The following DSCAML1 variants were observed in gnomAD, a reference collection of about 807,000 sequenced individuals.
DSCAML1 encodes cell adhesion molecule DSCAML1.
In DSCAML1, 38 loss-of-function variants were observed where a neutral mutation model predicts 200.5. That is an observed-to-expected ratio of 0.19 (90% CI 0.15 to 0.25). DSCAML1 has a LOEUF of 0.25. DSCAML1 is among the 10% of genes least tolerant of loss of function. The pLI is 1.00. For missense variants in DSCAML1, 2,223 were observed against 2,858.8 expected (o/e 0.78, Z 5.07); for synonymous variants, 1,215 against 1,165.0 (o/e 1.04, Z -0.87).
At chr11:117,715,727 T>A (rs1591434145) in intron 3 of DSCAML1, among the ~76,000 whole-genome samples, 1 of 152,106 alleles carries the variant, frequency 6.6e-6, no homozygotes, top group Non-Finnish European at 1.5e-5. Context: ...GGGAAGCAGG[T>A]AAGTGAATTA....
chr11:117,559,603 C>T (rs1278108438), intron 3 of DSCAML1, among the ~76,000 whole-genome samples: 2 of 152,112 alleles, frequency 1.3e-5, no homozygotes, highest in Non-Finnish European at 2.9e-5. Context: ...TTTGGTGCCC[C>T]GCAATACGTG....
intron 1 of DSCAML1, among the ~76,000 whole-genome samples, chr11:117,808,292 G>A (rs914049791): frequency 6.6e-6 from 1 of 152,154 alleles, no homozygotes; most frequent in Non-Finnish European, 1.5e-5. Flanking sequence ...GAAGGCCTTC[G>A]GACTCTATAT....
chr11:117,436,788 G>GA lies in DSCAML1; in HGVS notation c.4720+333dup, dbSNP rs1406284980. On this transcript the variant is annotated intron_variant, in intron 26 of 32. Transcript: ENST00000651296. ...TCAGCAGAAAGTTCTTAGAGGTCAGGACCTCAACCACACCTCTACCTCCCT... is the reference window on the plus strand; with the variant it reads ...TCAGCAGAAAGTTCTTAGAGGTCAGGAACCTCAACCACACCTCTACCTCCCT... Among the ~76,000 whole-genome samples the GA allele has an allele frequency of 6.6e-5, 10 of 152,248 alleles. No individual in the cohort carries two copies. In the East Asian group the frequency reaches 1.2e-3, roughly 18 times the overall value.
chr11:117,600,229 G>T (rs867753601), intron 3 of DSCAML1, among the ~76,000 whole-genome samples: 7 of 152,322 alleles, frequency 4.6e-5, no homozygotes, highest in African/African-American at 1.7e-4. Context: ...CTGGGGACGG[G>T]CTGGGGCAGG....
chr11:117,752,756 T>C (rs887761246), intron 3 of DSCAML1, among the ~76,000 whole-genome samples: 1 of 152,200 alleles, frequency 6.6e-6, no homozygotes, highest in Admixed American at 6.5e-5. Flanking sequence ...AAGAAGCCTA[T>C]TTCTGTCACC....
chr11:117,738,552 T>C (rs2054364919), intron 3 of DSCAML1, among the ~76,000 whole-genome samples: 1 of 152,192 alleles, frequency 6.6e-6, no homozygotes, highest in African/African-American at 2.4e-5. Flanking sequence ...TGTGTCCATA[T>C]GAAATGTACC....
intron 3 of DSCAML1, among the ~76,000 whole-genome samples, chr11:117,716,648 GC>G (rs1431851067): frequency 6.6e-6 from 1 of 152,148 alleles, no homozygotes; most frequent in African/African-American, 2.4e-5. Flanking sequence ...TCCAGATCCA[GC>G]CCCCTTCCTG....
intron 3 of DSCAML1, among the ~76,000 whole-genome samples, chr11:117,655,429 C>T (rs1233646183): frequency 6.6e-6 from 1 of 152,236 alleles, no homozygotes; most frequent in Admixed American, 6.5e-5. Flanking sequence ...GTATCATCTT[C>T]ATTGATAGAT....
chr11:117,750,178 C>T (rs2054583705), intron 3 of DSCAML1, among the ~76,000 whole-genome samples: 1 of 152,214 alleles, frequency 6.6e-6, no homozygotes, highest in Admixed American at 6.5e-5. Flanking sequence ...TCTCAGCCTC[C>T]AGCAAGGAGT....
chr11:117,546,582 G>A (rs1486032175), intron 3 of DSCAML1, among the ~76,000 whole-genome samples: 1 of 152,096 alleles, frequency 6.6e-6, no homozygotes, highest in African/African-American at 2.4e-5. Context: ...TACCAGAAAG[G>A]ACCCTACTCA....
At chr11:117,468,375 C>CAATTTTATT (rs2048624447) in intron 16 of DSCAML1, among the ~76,000 whole-genome samples, 1 of 152,044 alleles carries the variant, frequency 6.6e-6, no homozygotes, top group African/African-American at 2.4e-5. Context: ...GAAGTTCTAA[C>CAATTTTATT]TTTCTAATCA....
At chr11:117,784,856 T>C (rs1380633318) in intron 1 of DSCAML1, among the ~76,000 whole-genome samples, 1 of 152,182 alleles carries the variant, frequency 6.6e-6, no homozygotes, top group Non-Finnish European at 1.5e-5. Context: ...AATGGGGCAG[T>C]TCTTGATTCC....
At chr11:117,623,216 C>CTTTTTTTTTTTTTTTTTTTTTTTTTT (rs56343852) in intron 3 of DSCAML1, among the ~76,000 whole-genome samples, 1 of 121,112 alleles carries the variant, frequency 8.3e-6, no homozygotes, top group Admixed American at 9.9e-5. Flanking sequence ...CTTTTCTTTT[C>CTTTTTTTTTTTTTTTTTTTTTTTTTT]TTTTTTTTTT....
At chr11:117,631,495 C>A (rs1422915629) in intron 3 of DSCAML1, among the ~76,000 whole-genome samples, 1 of 152,244 alleles carries the variant, frequency 6.6e-6, no homozygotes, top group African/African-American at 2.4e-5. Context: ...GATCCTAGAA[C>A]TTTCTGGGGC....
intron 8 of DSCAML1, among the ~76,000 whole-genome samples, chr11:117,507,115 T>A (rs543293379): frequency 1.3e-5 from 2 of 149,812 alleles, no homozygotes; most frequent in African/African-American, 2.4e-5. Context: ...ATTATCTTTA[T>A]GATAACTCAA....
chr11:117,438,135 G>T, intron 24 of DSCAML1, 52 bp from the exon 25 acceptor site: 1 of 1,539,170 alleles, frequency 6.5e-7, no homozygotes. Flanking sequence ...CAAGGCAGCA[G>T]AAGCCCAGCC....
chr11:117,660,615 T>C (rs1290091938), intron 3 of DSCAML1, among the ~76,000 whole-genome samples: 1 of 152,170 alleles, frequency 6.6e-6, no homozygotes, highest in Non-Finnish European at 1.5e-5. Context: ...AAAAGGATTT[T>C]AATTAAAATG....
chr11:117,737,464 T>C (rs2054338598), intron 3 of DSCAML1, among the ~76,000 whole-genome samples: 1 of 152,112 alleles, frequency 6.6e-6, no homozygotes, highest in Non-Finnish European at 1.5e-5. Context: ...CAGCGACCAG[T>C]GCACCCAAAG....
chr11:117,517,273 A>G (rs1260272848), intron 7 of DSCAML1, among the ~76,000 whole-genome samples: 1 of 152,202 alleles, frequency 6.6e-6, no homozygotes, highest in Admixed American at 6.5e-5. Context: ...TGTGTATTGT[A>G]GGCCCCTGGG....
Sources: allele counts gnomAD v4.1 joint callset (sites outside exome capture counted in the v4.1 genomes callset), GRCh38; gene constraint gnomAD v4.1.1; transcripts MANE v1.5; gene names NCBI Gene and HGNC (gene_info 2026-07-23, HGNC 2026-07-21).